EYA4: variants seen among roughly 807,000 people sequenced by gnomAD.
EYA4 encodes EYA transcriptional coactivator and phosphatase 4, also known as protein phosphatase EYA4.
A neutral mutation model predicts 87.9 loss-of-function variants in EYA4; 31 were observed. That is an observed-to-expected ratio of 0.35 (90% CI 0.27 to 0.48). The LOEUF is 0.48. Ranked by LOEUF, EYA4 falls within the 20% of genes least tolerant of loss-of-function variation. The pLI is 0.99. For missense variants in EYA4, 678 were observed against 761.4 expected, an observed-to-expected ratio of 0.89 and a Z score of 1.29; for synonymous variants, 263 against 270.6, an observed-to-expected ratio of 0.97 and a Z score of 0.28.
chr6:133,512,597 G>C, intron 14 of EYA4, 124 bp from the exon 15 acceptor site: 12 of 791,722 alleles, frequency 1.5e-5, no homozygotes, highest in Non-Finnish European at 2.7e-5. Flanking sequence ...GAGGCAATGA[G>C]ATGGACGGGC....
chr6:133,339,975 C>G (rs1182902640), intron 2 of EYA4, among the ~76,000 whole-genome samples: 2 of 152,058 alleles, frequency 1.3e-5, no homozygotes, highest in African/African-American at 2.4e-5. Context: ...CTAAAAACAA[C>G]AAGTAGGTTT....
intron 3 of EYA4, among the ~76,000 whole-genome samples, chr6:133,443,724 A>AT (rs1168599546): frequency 6.6e-6 from 1 of 152,038 alleles, no homozygotes; most frequent in Non-Finnish European, 1.5e-5. Context: ...TTTCATTATC[A>AT]TTTTGTTCTA....
At chr6:133,396,258 CAT>C (rs919689298) in intron 3 of EYA4, among the ~76,000 whole-genome samples, 1 of 152,186 alleles carries the variant, frequency 6.6e-6, no homozygotes, top group African/African-American at 2.4e-5. Context: ...TTTTCAAGAA[CAT>C]AGACAGTCTT....
chr6:133,341,284 C>G (rs539160334), intron 2 of EYA4, among the ~76,000 whole-genome samples: 2 of 152,276 alleles, frequency 1.3e-5, no homozygotes, highest in African/African-American at 4.8e-5. Context: ...CCTGGCTTTT[C>G]CACTTACCTT....
Position 133,365,047 on chromosome 6 carries a change from C to T in EYA4, c.34-17345C>T, listed in dbSNP as rs1488483598. 2.0e-5 allele frequency among the ~76,000 whole-genome samples: 3 copies of T among 152,134 alleles called. No individual in the cohort carries two copies. The East Asian group carries it at 5.8e-4, about 29-fold the overall frequency. ...GATGAATCTTTCTTTCTCCTAATAC[C>T]TATCTCAGGCTAGACTGTTTGGTAC... On this transcript the variant is annotated intron_variant, in intron 2 of 19. Coordinates refer to ENST00000355286, the MANE Select transcript of EYA4 (RefSeq NM_004100.5).
intron 3 of EYA4, among the ~76,000 whole-genome samples, chr6:133,423,965 A>G (rs981781153): frequency 1.3e-5 from 2 of 152,182 alleles, no homozygotes; most frequent in African/African-American, 4.8e-5. Flanking sequence ...TAGTGTCACA[A>G]CAGCTCAGAG....
At chr6:133,325,355 A>T (rs1352244947) in intron 2 of EYA4, 1 of 152,176 alleles carries the variant, frequency 6.6e-6, no homozygotes, top group Non-Finnish European at 1.5e-5. Flanking sequence ...TAACAATGGG[A>T]GCTGTACAGG....
chr6:133,494,711 G>T lies in EYA4; in HGVS notation c.1192-11395G>T, dbSNP rs572925366. On this transcript the variant is annotated intron_variant, in intron 13 of 19. Transcript: ENST00000355286. ...AAGTGTTTTTTTTTTAATTAGCTGG[G>T]CATGGTGGTGTATGCCTGTATTCTC... Among the ~76,000 whole-genome samples, 5 of 151,504 alleles carry T rather than the reference G, an allele frequency of 3.3e-5. No individual in the cohort carries two copies. The South Asian group carries it at 1.0e-3, about 32-fold the overall frequency.
chr6:133,311,530 G>T (rs1780217723), intron 2 of EYA4, among the ~76,000 whole-genome samples: 1 of 151,748 alleles, frequency 6.6e-6, no homozygotes, highest in Non-Finnish European at 1.5e-5. Context: ...TGTTGCCCAG[G>T]CTGGTCTCAA....
intron 2 of EYA4, among the ~76,000 whole-genome samples, chr6:133,301,505 A>G (rs1225708141): frequency 2.0e-5 from 3 of 152,378 alleles, no homozygotes; most frequent in Admixed American, 2.0e-4. Flanking sequence ...GAATGAAAAT[A>G]GCTGCACATA....
chr6:133,309,688 T>A (rs948679914), intron 2 of EYA4, among the ~76,000 whole-genome samples: 1 of 152,198 alleles, frequency 6.6e-6, no homozygotes, highest in African/African-American at 2.4e-5. Context: ...ACATGCCTCC[T>A]TATTTGAAAC....
intron 2 of EYA4, among the ~76,000 whole-genome samples, chr6:133,338,705 C>T (rs1389722912): frequency 1.3e-5 from 2 of 152,178 alleles, no homozygotes; most frequent in African/African-American, 4.8e-5. Flanking sequence ...AACATCATGG[C>T]AGCCCCAGTT....
intron 1 of EYA4, among the ~76,000 whole-genome samples, chr6:133,272,671 A>T (rs1776799213): frequency 6.6e-6 from 1 of 152,158 alleles, no homozygotes; most frequent in African/African-American, 2.4e-5. Context: ...GGGGCCTGGC[A>T]AAGGCTCCAA....
intron 2 of EYA4, among the ~76,000 whole-genome samples, chr6:133,330,267 T>C (rs1047172131): frequency 3.3e-5 from 5 of 152,106 alleles, no homozygotes; most frequent in African/African-American, 4.8e-5. Flanking sequence ...TTCTAAGATA[T>C]GTTCCACCTC....
chr6:133,489,400 A>AT (rs2128724278), intron 13 of EYA4, among the ~76,000 whole-genome samples: 1 of 152,286 alleles, frequency 6.6e-6, no homozygotes, highest in South Asian at 2.1e-4. Context: ...CACATGCAAG[A>AT]AGGTTCTAGA....
intron 3 of EYA4, among the ~76,000 whole-genome samples, chr6:133,422,648 G>A (rs1790316678): frequency 1.3e-5 from 2 of 152,184 alleles, no homozygotes; most frequent in Admixed American, 6.5e-5. Context: ...CATTTATTGT[G>A]TAATACAAGT....
At chr6:133,332,467 A>G (rs373049067) in intron 2 of EYA4, among the ~76,000 whole-genome samples, 18 of 152,120 alleles carry the variant, frequency 1.2e-4, no homozygotes, top group African/African-American at 2.2e-4. Flanking sequence ...CTCGGCCTGC[A>G]TATTCATTGT....
chr6:133,330,602 T>TG (rs1469097021), intron 2 of EYA4, among the ~76,000 whole-genome samples: 3 of 150,086 alleles, frequency 2.0e-5, no homozygotes, highest in Admixed American at 6.7e-5. Flanking sequence ...CATACTTTTT[T>TG]GGGGGGGATA....
At chr6:133,322,847 A>C (rs2128360177) in intron 2 of EYA4, among the ~76,000 whole-genome samples, 1 of 152,346 alleles carries the variant, frequency 6.6e-6, no homozygotes, top group Admixed American at 6.5e-5. Context: ...GTAAAGGTTC[A>C]TGTTATGCAA....
Sources: gnomAD v4.1 joint callset for allele counts (sites outside exome capture counted in the v4.1 genomes callset) on GRCh38, gnomAD v4.1.1 for gene constraint, MANE v1.5 for transcripts, NCBI Gene and HGNC (gene_info 2026-07-23, HGNC 2026-07-21) for gene names.